The following CEP85L variants were observed in gnomAD, a reference collection of about 807,000 sequenced individuals.
The protein encoded by CEP85L is centrosomal protein 85L.
CEP85L carries 60 observed loss-of-function variants against 100.3 expected under a neutral mutation model. That is an observed-to-expected ratio of 0.60 (90% CI 0.49 to 0.74). The LOEUF (loss-of-function observed/expected upper bound fraction) is 0.74. Ranked by LOEUF, CEP85L falls within the 30% of genes least tolerant of loss-of-function variation. The probability of loss-of-function intolerance (pLI) is 0.00; values close to 1 mark genes in which losing one functional copy is unlikely to be tolerated. For synonymous variants in CEP85L, 319 were observed against 322.7 expected (o/e 0.99, Z 0.12); for missense variants, 973 against 936.2 (o/e 1.04, Z -0.51).
chr6:118,638,964 T>C (rs1774692701), intron 1 of CEP85L, among the ~76,000 whole-genome samples: 1 of 152,192 alleles, frequency 6.6e-6, no homozygotes, highest in African/African-American at 2.4e-5. Context: ...AATATTTTAA[T>C]GACAGCTCTA....
intron 5 of CEP85L, among the ~76,000 whole-genome samples, chr6:118,507,311 T>A (rs1385173557): frequency 6.6e-6 from 1 of 152,226 alleles, no homozygotes; most frequent in Non-Finnish European, 1.5e-5. Context: ...AGATGTTTAA[T>A]CAACAGTCTT....
At position 118,565,788 on chromosome 6, in the gene CEP85L, A is replaced by G. The variant is rs766619577; in HGVS notation, c.761T>C (p.Met254Thr). 13 of 1,614,068 alleles carry G rather than the reference A, an allele frequency of 8.1e-6. No homozygotes were observed. The African/African-American group carries it at 1.2e-4, about 15-fold the overall frequency. Residue 254 changes from methionine (M) to threonine (T), a missense_variant, in exon 3 of 13, where the codon ATG becomes ACG. By Grantham distance (81) the Met-to-Thr change is moderately conservative. Transcript: ENST00000368491. The part of the protein sequence containing the change: ...SSTLRRQPVD[M>T]TYSALPESKP... ...GCTTTCAGGTAAGGCACTATATGTC[A>G]TGTCTACAGGCTGTCTCCTAAGAGT... is the stretch of plus-strand genomic sequence containing the variant.
intron 4 of CEP85L, among the ~76,000 whole-genome samples, chr6:118,523,241 T>C (rs1776767598): frequency 6.6e-6 from 1 of 152,226 alleles, no homozygotes; most frequent in Non-Finnish European, 1.5e-5. Context: ...GGTTTACTGC[T>C]CACAATACTC....
chr6:118,470,688 T>C lies in CEP85L; in HGVS notation c.1915-44A>G, dbSNP rs749313506. 3 of 1,097,080 alleles carry C rather than the reference T, an allele frequency of 2.7e-6. No individual in the cohort carries two copies. In the East Asian group the frequency reaches 7.4e-5, roughly 27 times the overall value. 68.0% of individuals were successfully genotyped at this position (1,097,080 alleles called of 1,614,324 possible). A position where few individuals can be genotyped will look rare whatever the true frequency, so the allele number is the denominator to read the frequency against. ...TTGGAAAGCAAAACAGGTTAACATGTAAAGAAAAATCTCAAACAGAAAGAA... is the reference window on the plus strand; with the variant it reads ...TTGGAAAGCAAAACAGGTTAACATGCAAAGAAAAATCTCAAACAGAAAGAA... On this transcript the variant is annotated intron_variant, in intron 10 of 12. Transcript: ENST00000368491.
At chr6:118,608,956 A>C (rs1772429060) in intron 2 of CEP85L, among the ~76,000 whole-genome samples, 1 of 152,236 alleles carries the variant, frequency 6.6e-6, no homozygotes, top group South Asian at 2.1e-4. Flanking sequence ...ATGGAGATCA[A>C]ACCTAATCCT....
intron 2 of CEP85L, among the ~76,000 whole-genome samples, chr6:118,612,217 C>T (rs925640011): frequency 6.6e-6 from 1 of 151,640 alleles, no homozygotes; most frequent in Non-Finnish European, 1.5e-5. Context: ...CTAAACAACA[C>T]ACTTACAGTC....
intron 2 of CEP85L, among the ~76,000 whole-genome samples, chr6:118,617,376 AG>A (rs1773132533): frequency 6.6e-6 from 1 of 152,206 alleles, no homozygotes; most frequent in Non-Finnish European, 1.5e-5. Context: ...TTCTGTGATC[AG>A]TGGGCCTTAT....
intron 1 of CEP85L, among the ~76,000 whole-genome samples, chr6:118,696,785 A>G (rs1444816589): frequency 6.6e-6 from 1 of 152,194 alleles, no homozygotes; most frequent in Non-Finnish European, 1.5e-5. Context: ...ATTACTTCAC[A>G]TGTTAAAACG....
intron 4 of CEP85L, among the ~76,000 whole-genome samples, 186 bp downstream of exon 4, chr6:118,523,616 C>G (rs1457955114): frequency 2.6e-5 from 4 of 152,118 alleles, no homozygotes; most frequent in Admixed American, 1.3e-4. Flanking sequence ...AGAAATCAGA[C>G]AGATAAACCA....
intron 2 of CEP85L, among the ~76,000 whole-genome samples, chr6:118,613,146 G>T (rs895204564): frequency 6.6e-6 from 1 of 152,030 alleles, no homozygotes; most frequent in East Asian, 1.9e-4. Flanking sequence ...GGCGGGCAGA[G>T]GTTGCAGTGA....
chr6:118,465,256 C>T lies in CEP85L; in HGVS notation c.*149G>A. The T allele has an allele frequency of 1.7e-6, 1 of 591,710 alleles. No homozygotes were observed. 36.7% of individuals were successfully genotyped at this position (591,710 alleles called of 1,614,324 possible). On this transcript the variant is annotated 3_prime_UTR_variant, in exon 13 of 13. Transcript: ENST00000368491. ...GATTAGATAAGCCCCTTCAAAATCTCTTCACTTCCCTTCTCCCCTTCAACA... is the reference window on the plus strand; with the variant it reads ...GATTAGATAAGCCCCTTCAAAATCTTTTCACTTCCCTTCTCCCCTTCAACA...
intron 2 of CEP85L, among the ~76,000 whole-genome samples, chr6:118,591,465 T>C (rs868301851): frequency 5.3e-5 from 8 of 152,142 alleles, no homozygotes; most frequent in Admixed American, 4.6e-4. Flanking sequence ...ATTTTGTAAC[T>C]TCACTTCAGC....
chr6:118,566,297 G>C lies in CEP85L; in HGVS notation c.252C>G (p.Gly84=). 1 of 1,612,668 alleles carries C rather than the reference G, an allele frequency of 6.2e-7. No homozygotes were observed. The change falls in exon 3 of 13, where the codon GGC becomes GGG. Residue 84 remains glycine (G), a synonymous_variant. Coordinates refer to ENST00000368491, the MANE Select transcript of CEP85L (RefSeq NM_001042475.3). ...DSVEDHSTSS[G]TLSFKPSQSL... Reference sequence around the variant, plus strand: ...ATTGACTAGGCTTAAAAGATAATGTGCCACTTGAAGTTGAATGATCTGGAA... The same window carrying C: ...ATTGACTAGGCTTAAAAGATAATGTCCCACTTGAAGTTGAATGATCTGGAA...
chr6:118,635,382 G>A (rs9489482), intron 1 of CEP85L, among the ~76,000 whole-genome samples: 4,433 of 152,168 alleles, frequency 0.029, 190 homozygotes, highest in African/African-American at 0.091. Flanking sequence ...AGCTGGAGAA[G>A]AGTTTGTACA....
At chr6:118,578,506 C>A (rs184826140) in intron 2 of CEP85L, among the ~76,000 whole-genome samples, 4 of 152,094 alleles carry the variant, frequency 2.6e-5, no homozygotes, top group Non-Finnish European at 4.4e-5. Context: ...CTGAGGCGGG[C>A]GGATCACGAG....
intron 4 of CEP85L, among the ~76,000 whole-genome samples, chr6:118,517,506 T>C (rs1776350304): frequency 6.6e-6 from 1 of 152,222 alleles, no homozygotes; most frequent in South Asian, 2.1e-4. Context: ...TTTGTAGCAA[T>C]TGTGAATGAG....
chr6:118,466,066 G>A (rs1772497890), intron 12 of CEP85L, among the ~76,000 whole-genome samples: 2 of 152,172 alleles, frequency 1.3e-5, no homozygotes, highest in South Asian at 4.1e-4. Context: ...AGACAGAGAG[G>A]GAGAGGAAGA....
upstream of CEP85L, among the ~76,000 whole-genome samples, chr6:118,652,209 C>A (rs545630461): frequency 3.3e-5 from 5 of 152,114 alleles, no homozygotes; most frequent in South Asian, 1.0e-3. Flanking sequence ...AATCGCACAA[C>A]GTTTCAGATT....
chr6:118,491,966 T>G, intron 5 of CEP85L, 101 bp from the exon 6 acceptor site: 1 of 729,822 alleles, frequency 1.4e-6, no homozygotes. Flanking sequence ...ACATATAGGC[T>G]ACATGAACAG....
Sources: gnomAD v4.1 joint callset for allele counts (sites outside exome capture counted in the v4.1 genomes callset) on GRCh38, gnomAD v4.1.1 for gene constraint, MANE v1.5 for transcripts, NCBI Gene and HGNC (gene_info 2026-07-23, HGNC 2026-07-21) for gene names.